MCF2L2: variants seen among roughly 807,000 people sequenced by gnomAD.
The protein encoded by MCF2L2 is MCF.2 cell line derived transforming sequence-like 2, also known as probable guanine nucleotide exchange factor MCF2L2.
Under a neutral mutation model 150.2 loss-of-function variants are expected in MCF2L2, and 102 were observed. The ratio of observed to expected loss-of-function variants is 0.68; its 90% CI spans 0.58 to 0.80. The LOEUF (loss-of-function observed/expected upper bound fraction) is 0.80. Ranked by LOEUF, MCF2L2 falls within the 30% of genes least tolerant of loss-of-function variation. MCF2L2 has a pLI of 0.00. For missense variants in MCF2L2, 1,256 were observed against 1,372.8 expected, an observed-to-expected ratio of 0.91 and a Z score of 1.34; for synonymous variants, 465 against 491.3, an observed-to-expected ratio of 0.95 and a Z score of 0.71.
At chr3:183,230,286 G>A (rs1055869083) in intron 16 of MCF2L2, among the ~76,000 whole-genome samples, 1 of 152,000 alleles carries the variant, frequency 6.6e-6, no homozygotes, top group African/African-American at 2.4e-5. Flanking sequence ...GCTAATTTTC[G>A]TATTTTTAGT....
intron 26 of MCF2L2, among the ~76,000 whole-genome samples, chr3:183,194,458 G>A (rs1722014186): frequency 1.3e-5 from 2 of 152,210 alleles, no homozygotes; most frequent in Admixed American, 1.3e-4. Context: ...ATGATCAGGA[G>A]AGTTCTAAGT....
chr3:183,425,568 C>T (rs537437312), intron 1 of MCF2L2, among the ~76,000 whole-genome samples: 5 of 152,308 alleles, frequency 3.3e-5, no homozygotes, highest in Non-Finnish European at 7.3e-5. Flanking sequence ...TCCGTGAAGG[C>T]TGAGGCTGTT....
intron 25 of MCF2L2, among the ~76,000 whole-genome samples, chr3:183,202,695 G>A (rs754326221): frequency 3.3e-5 from 5 of 152,170 alleles, no homozygotes; most frequent in Non-Finnish European, 7.4e-5. Context: ...TTCAATGGCT[G>A]CACATAAATA....
At chr3:183,269,920 G>C (rs1726581461) in intron 15 of MCF2L2, 4 of 1,613,964 alleles carry the variant, frequency 2.5e-6, no homozygotes, top group Non-Finnish European at 3.4e-6. Context: ...CACATTGTGA[G>C]CCATATGAAG....
At chr3:183,378,174 G>T (rs1253997901) in intron 3 of MCF2L2, 1 of 152,208 alleles carries the variant, frequency 6.6e-6, no homozygotes, top group African/African-American at 2.4e-5. Flanking sequence ...ATAGAAGGCA[G>T]GTGGAAAGCA....
At chr3:183,269,091 G>A (rs1726446685) in intron 15 of MCF2L2, among the ~76,000 whole-genome samples, 1 of 151,992 alleles carries the variant, frequency 6.6e-6, no homozygotes, top group South Asian at 2.1e-4. Flanking sequence ...TTACTGCTGT[G>A]AATTTTCTTT....
chr3:183,179,481 C>G lies in MCF2L2; in HGVS notation c.3244G>C (p.Glu1082Gln), dbSNP rs779812377. ...CGGCCCGTGGACGCCCCAGCGCGCT[C>G]CTCCTCGGTGCTGCGGGTCGCCCTG... ...EETATRSTEE[E>Q]RAGASTGRLA... Residue 1082 changes from glutamate to glutamine, a missense_variant, in exon 30 of 30, where the codon GAG becomes CAG. Physicochemically the swap from Glu to Gln is conservative, Grantham distance 29 (BLOSUM62 2). Transcript: ENST00000328913. The surrounding 1 kb of genome is among the most constrained non-coding windows in gnomAD (Gnocchi z 4.2). 2.6e-5 allele frequency: 41 copies of G among 1,606,660 alleles called. No individual in the cohort carries two copies. The Admixed American group carries it at 6.8e-4, about 27-fold the overall frequency.
At chr3:183,246,233 T>A (rs951084094) in intron 15 of MCF2L2, among the ~76,000 whole-genome samples, 2 of 152,210 alleles carry the variant, frequency 1.3e-5, no homozygotes, top group Non-Finnish European at 1.5e-5. Flanking sequence ...TTGAAGTGTA[T>A]AGTTCAGTAG....
intron 5 of MCF2L2, among the ~76,000 whole-genome samples, chr3:183,328,349 A>T (rs1052507669): frequency 3.9e-5 from 6 of 152,172 alleles, no homozygotes; most frequent in African/African-American, 1.2e-4. Flanking sequence ...CCTAATCCAC[A>T]GCTGGTAGGT....
At chr3:183,212,158 A>G (rs1003945521) in intron 22 of MCF2L2, among the ~76,000 whole-genome samples, 5 of 152,234 alleles carry the variant, frequency 3.3e-5, no homozygotes, top group Admixed American at 6.5e-5. Flanking sequence ...AGACGAGGTA[A>G]GGAAGGATTC....
At chr3:183,286,868 G>A (rs569227793) in intron 14 of MCF2L2, among the ~76,000 whole-genome samples, 11 of 152,208 alleles carry the variant, frequency 7.2e-5, no homozygotes, top group Admixed American at 4.6e-4. Context: ...CATTAAATAC[G>A]CAAACAAATC....
At chr3:183,217,290 G>A (rs539008892) in intron 21 of MCF2L2, among the ~76,000 whole-genome samples, 14 of 72,048 alleles carry the variant, frequency 1.9e-4, no homozygotes, top group South Asian at 1.5e-3. Context: ...GTGAAACCCC[G>A]TCTCAAAAAA....
Position 183,179,977 on chromosome 3 carries a change from G to A in MCF2L2, c.3105+94C>T. 9.7e-7 allele frequency: 1 copy of A among 1,027,316 alleles called. No homozygotes were observed. The highest frequency in any genetic ancestry group is 1.5e-6 in the Non-Finnish European group (1 of 661,752). The allele number at this position is 1,027,316 out of a possible 1,614,324, so 63.6% of individuals were successfully genotyped here. A position where few individuals can be genotyped will look rare whatever the true frequency, so the allele number is the denominator to read the frequency against. ...CCTTATGGGTGAGAATCCTGAGGAG[G>A]GGGAGAGGGATGGAGGCTAGGGACA... On this transcript the variant is annotated intron_variant, in intron 28 of 29. Transcript: ENST00000328913. The surrounding 1 kb of genome is among the most constrained non-coding windows in gnomAD (Gnocchi z 4.2).
intron 1 of MCF2L2, among the ~76,000 whole-genome samples, chr3:183,412,962 T>C (rs1432286427): frequency 6.6e-6 from 1 of 152,232 alleles, no homozygotes; most frequent in African/African-American, 2.4e-5. Flanking sequence ...AAATGACCTT[T>C]CTGCCTCTAC....
intron 13 of MCF2L2, among the ~76,000 whole-genome samples, chr3:183,291,264 A>G (rs1004860798): frequency 6.6e-6 from 1 of 152,202 alleles, no homozygotes; most frequent in African/African-American, 2.4e-5. Flanking sequence ...AGGCGGGGCC[A>G]CAGAAGCCAC....
At chr3:183,395,541 G>A (rs1714388160) in intron 1 of MCF2L2, among the ~76,000 whole-genome samples, 1 of 152,166 alleles carries the variant, frequency 6.6e-6, no homozygotes, top group Admixed American at 6.5e-5. Context: ...TAATTTACAT[G>A]CAATACAATG....
intron 3 of MCF2L2, among the ~76,000 whole-genome samples, chr3:183,347,452 C>A (rs1024665669): frequency 2.0e-5 from 3 of 152,052 alleles, no homozygotes; most frequent in South Asian, 4.1e-4. Context: ...CCATAAAAAC[C>A]CTAGAAGAAA....
At chr3:183,388,613 A>G (rs1713962969) in intron 2 of MCF2L2, among the ~76,000 whole-genome samples, 1 of 152,226 alleles carries the variant, frequency 6.6e-6, no homozygotes. Flanking sequence ...CAATACAGAC[A>G]GAAAGAAGAA....
At chr3:183,379,251 G>T in intron 3 of MCF2L2, 46 bp downstream of exon 3, 1 of 1,423,444 alleles carries the variant, frequency 7.0e-7, no homozygotes, top group Non-Finnish European at 9.7e-7. Flanking sequence ...GGGAAGTGTG[G>T]AATAAAGCCA....
Sources: gnomAD v4.1 joint callset for allele counts (sites outside exome capture counted in the v4.1 genomes callset) on GRCh38, gnomAD v4.1.1 for gene constraint, Gnocchi (gnomAD v3.1) non-coding constraint, MANE v1.5 for transcripts, NCBI Gene and HGNC (gene_info 2026-07-23, HGNC 2026-07-21) for gene names.